The following HS6ST2 variants were observed in gnomAD, a reference collection of about 807,000 sequenced individuals.
The protein encoded by HS6ST2 is heparan-sulfate 6-O-sulfotransferase 2.
A neutral mutation model predicts 33.0 loss-of-function variants in HS6ST2; 17 were observed. The ratio of observed to expected loss-of-function variants is 0.52; its 90% confidence interval spans 0.35 to 0.77. The LOEUF is 0.77. Among genes scored for constraint, HS6ST2 ranks in the 30% least tolerant of loss-of-function variants. HS6ST2 has a pLI of 0.01. For synonymous variants in HS6ST2, 248 were observed against 237.1 expected (o/e 1.05, Z -0.42); for missense variants, 519 against 551.7 (o/e 0.94, Z 0.59).
chrX:132,892,386 G>A (rs2066324960), intron 2 of HS6ST2, among the ~76,000 whole-genome samples: 1 of 111,939 alleles, frequency 8.9e-6, no homozygotes, highest in African/African-American at 3.2e-5. Flanking sequence ...TCATGCCAGA[G>A]GTACAAGATC....
At chrX:132,868,350 T>G (rs972652584) in intron 2 of HS6ST2, among the ~76,000 whole-genome samples, 1 of 111,658 alleles carries the variant, frequency 9.0e-6, no homozygotes. Context: ...CTTTAACACC[T>G]CACTGTCAAT....
intron 2 of HS6ST2, among the ~76,000 whole-genome samples, chrX:132,821,398 G>C (rs751838651): frequency 2.7e-5 from 3 of 109,255 alleles, no homozygotes; most frequent in South Asian, 8.2e-4. Context: ...ATTTTTAGTA[G>C]AGACGGGGTT....
intron 2 of HS6ST2, among the ~76,000 whole-genome samples, chrX:132,740,519 A>G (rs757194793): frequency 1.8e-5 from 2 of 111,846 alleles, no homozygotes; most frequent in South Asian, 7.5e-4. Context: ...CCCTGCATTT[A>G]CTTCTCCTGC....
intron 2 of HS6ST2, among the ~76,000 whole-genome samples, chrX:132,851,119 T>C (rs2065797041): frequency 1.8e-5 from 2 of 112,168 alleles, no homozygotes; most frequent in African/African-American, 6.5e-5. Flanking sequence ...ACTGAGTTCC[T>C]AGGATCTCAG....
intron 4 of HS6ST2, among the ~76,000 whole-genome samples, chrX:132,665,558 G>A (rs1448966902): frequency 9.0e-6 from 1 of 111,601 alleles, no homozygotes; most frequent in East Asian, 2.8e-4. Context: ...ACAGTTACTT[G>A]CTTTCTGGGG....
At chrX:132,756,983 A>G (rs2064762206) in intron 2 of HS6ST2, among the ~76,000 whole-genome samples, 1 of 111,360 alleles carries the variant, frequency 9.0e-6, no homozygotes, top group Non-Finnish European at 1.9e-5. Context: ...AAGAAGAAAA[A>G]TGCCACTGGA....
intron 2 of HS6ST2, among the ~76,000 whole-genome samples, chrX:132,850,611 G>T (rs2065793090): frequency 9.0e-6 from 1 of 111,460 alleles, no homozygotes; most frequent in South Asian, 3.8e-4. Flanking sequence ...AGAAAGGGAT[G>T]GAGGTGGAGA....
chrX:132,846,803 G>A (rs1465124701), intron 2 of HS6ST2, among the ~76,000 whole-genome samples: 1 of 110,160 alleles, frequency 9.1e-6, no homozygotes, highest in African/African-American at 3.3e-5. Flanking sequence ...AATTGGGTGG[G>A]AGAAGATACA....
At chrX:132,659,976 A>G (rs1436378545) in intron 4 of HS6ST2, among the ~76,000 whole-genome samples, 2 of 112,023 alleles carry the variant, frequency 1.8e-5, no homozygotes, top group Non-Finnish European at 3.8e-5. Context: ...AATATAAATC[A>G]AACCCTTCCT....
intron 2 of HS6ST2, among the ~76,000 whole-genome samples, chrX:132,836,379 A>G (rs975876474): frequency 1.8e-5 from 2 of 112,564 alleles, no homozygotes; most frequent in Admixed American, 9.4e-5. Context: ...AACATGAGGG[A>G]GTCTCAAGGG....
intron 2 of HS6ST2, among the ~76,000 whole-genome samples, chrX:132,883,472 TA>T (rs1168883689): frequency 9.0e-6 from 1 of 111,273 alleles, no homozygotes; most frequent in Non-Finnish European, 1.9e-5. Flanking sequence ...TCGGTGGTGA[TA>T]TCTCCTTTAC....
At chrX:132,720,667 C>T (rs941627040) in intron 2 of HS6ST2, among the ~76,000 whole-genome samples, 11 of 108,784 alleles carry the variant, frequency 1.0e-4, no homozygotes, top group Admixed American at 8.8e-4. Context: ...TGATTTGTTG[C>T]CTACAAGAAA....
chrX:132,672,493 C>T (rs1037608424), intron 3 of HS6ST2, among the ~76,000 whole-genome samples: 1 of 111,719 alleles, frequency 9.0e-6, no homozygotes, highest in Non-Finnish European at 1.9e-5. Flanking sequence ...TGGATCCAGG[C>T]TTCCTCTACC....
chrX:132,796,422 C>T (rs747534629), intron 2 of HS6ST2, among the ~76,000 whole-genome samples: 1 of 112,425 alleles, frequency 8.9e-6, no homozygotes, highest in Admixed American at 9.4e-5. Context: ...TAAGTACCTA[C>T]CATATGCTTT....
intron 2 of HS6ST2, among the ~76,000 whole-genome samples, chrX:132,870,480 A>G (rs1359582092): frequency 8.9e-6 from 1 of 111,818 alleles, no homozygotes; most frequent in East Asian, 2.8e-4. Flanking sequence ...AGCAAAAAGA[A>G]CAAAGCTGGA....
intron 2 of HS6ST2, among the ~76,000 whole-genome samples, chrX:132,747,568 A>T (rs1325292364): frequency 9.0e-6 from 1 of 110,641 alleles, no homozygotes. Context: ...AAGAACCCTG[A>T]GTTCAAATCT....
intron 2 of HS6ST2, chrX:132,907,384 C>T (rs1033346477): frequency 7.0e-6 from 1 of 143,715 alleles, no homozygotes; most frequent in East Asian, 1.8e-4. Context: ...CCATTCTTCC[C>T]TAGCTACTGA....
At chrX:132,759,364 A>G (rs886384836) in intron 2 of HS6ST2, among the ~76,000 whole-genome samples, 2 of 111,781 alleles carry the variant, frequency 1.8e-5, no homozygotes, top group Non-Finnish European at 3.8e-5. Context: ...GCAGTCCCAG[A>G]ATATCAGAGT....
At chrX:132,848,282 C>T (rs933639265) in intron 2 of HS6ST2, among the ~76,000 whole-genome samples, 2 of 112,362 alleles carry the variant, frequency 1.8e-5, no homozygotes, top group Admixed American at 9.4e-5. Context: ...ACCATCCAAC[C>T]TGCCTTCCTC....
Sources: gnomAD v4.1 joint callset for allele counts (sites outside exome capture counted in the v4.1 genomes callset) on GRCh38, gnomAD v4.1.1 for gene constraint, MANE v1.5 for transcripts, NCBI Gene and HGNC (gene_info 2026-07-23, HGNC 2026-07-21) for gene names.